Variants in DAW1 observed in about 807,000 individuals in gnomAD.
DAW1 encodes dynein assembly factor with WD repeats 1, also known as dynein assembly factor with WD repeat domains 1.
A neutral mutation model predicts 56.5 loss-of-function variants in DAW1; 47 were observed. The observed-to-expected ratio is 0.83, with a 90% CI of 0.66 to 1.06. The LOEUF is 1.06. Among genes scored for constraint, DAW1 ranks in the 50% least tolerant of loss-of-function variants. DAW1 has a pLI of 0.00. For missense variants in DAW1, 505 were observed against 499.3 expected, an observed-to-expected ratio of 1.01 and a Z score of -0.11; for synonymous variants, 190 against 179.0, an observed-to-expected ratio of 1.06 and a Z score of -0.49.
chr2:227,891,918 A>G (rs924342725), intron 4 of DAW1, among the ~76,000 whole-genome samples: 1 of 152,080 alleles, frequency 6.6e-6, no homozygotes, highest in African/African-American at 2.4e-5. Context: ...CATCAGGGTC[A>G]GTTCCTTCTG....
At chr2:227,880,479 G>A (rs1690985649) in intron 1 of DAW1, among the ~76,000 whole-genome samples, 1 of 150,380 alleles carries the variant, frequency 6.6e-6, no homozygotes. Context: ...CCTAGAGTTT[G>A]GTTTCAGGTC....
chr2:227,891,330 A>G lies in DAW1; in HGVS notation c.317+17A>G, dbSNP rs377589330. 1.9e-5 allele frequency: 30 copies of G among 1,609,398 alleles called. No individual in the cohort carries two copies. Among genetic ancestry groups the G allele is most frequent in the Non-Finnish European group, 2.3e-5 (27 of 1,176,512 alleles). Reference sequence around the variant, plus strand: ...GGGCTCATGGTAAGATTCTCTTTTTATGTCTAATTTTTAGCAGTGAAACAA... The same window carrying G: ...GGGCTCATGGTAAGATTCTCTTTTTGTGTCTAATTTTTAGCAGTGAAACAA... On this transcript the variant is annotated intron_variant, in intron 4 of 12. Transcript: ENST00000309931.
intron 5 of DAW1, among the ~76,000 whole-genome samples, chr2:227,896,171 A>G (rs1159940631): frequency 6.6e-6 from 1 of 152,228 alleles, no homozygotes; most frequent in African/African-American, 2.4e-5. Flanking sequence ...GCATTTTTAT[A>G]TTCCAGAGAA....
intron 1 of DAW1, among the ~76,000 whole-genome samples, chr2:227,877,256 G>T (rs1005990113): frequency 6.6e-6 from 1 of 152,218 alleles, no homozygotes; most frequent in African/African-American, 2.4e-5. Context: ...TTGGCTTACT[G>T]CAACCTCTGC....
chr2:227,909,266 A>ATCTGTCTG (rs1258557710), intron 10 of DAW1, among the ~76,000 whole-genome samples: 11 of 142,034 alleles, frequency 7.7e-5, no homozygotes, highest in African/African-American at 2.8e-4. Context: ...CTATCTATCT[A>ATCTGTCTG]TCTATCTGTC....
chr2:227,876,725 G>A (rs550470600), intron 1 of DAW1, among the ~76,000 whole-genome samples: 1 of 152,160 alleles, frequency 6.6e-6, no homozygotes, highest in Non-Finnish European at 1.5e-5. Context: ...AAATGTACAT[G>A]CCAGTGACAT....
intron 3 of DAW1, among the ~76,000 whole-genome samples, chr2:227,890,511 T>C (rs1204367947): frequency 6.6e-6 from 1 of 152,214 alleles, no homozygotes; most frequent in Non-Finnish European, 1.5e-5. Flanking sequence ...CTTTTAATTT[T>C]CCTTTGTCAT....
At chr2:227,896,310 C>T (rs1373896277) in intron 5 of DAW1, among the ~76,000 whole-genome samples, 3 of 152,100 alleles carry the variant, frequency 2.0e-5, no homozygotes, top group Non-Finnish European at 4.4e-5. Flanking sequence ...AAAGGATATT[C>T]TCTATAACAT....
Position 227,921,506 on chromosome 2 carries a change from CACTGATGAA to C in DAW1, c.1160_1168del (p.Thr387_Glu389del), listed in dbSNP as rs752486175. Reference sequence around the variant, plus strand: ...AGTGCCTCCAGGTTCTTGAGGGGCACACTGATGAAATCTTTTCATGTGCTTTCAACTATA... The same window carrying C: ...AGTGCCTCCAGGTTCTTGAGGGGCACATCTTTTCATGTGCTTTCAACTATA... On this transcript the variant is annotated inframe_deletion, in exon 12 of 13. Transcript: ENST00000309931. The C allele has an allele frequency of 6.2e-7, 1 of 1,613,876 alleles. No individual in the cohort carries two copies. Among genetic ancestry groups the C allele is most frequent in the Non-Finnish European group, 8.5e-7 (1 of 1,179,954 alleles).
At chr2:227,892,325 G>A (rs1421258437) in intron 4 of DAW1, among the ~76,000 whole-genome samples, 7 of 152,002 alleles carry the variant, frequency 4.6e-5, no homozygotes, top group Non-Finnish European at 2.9e-5. Flanking sequence ...GCAGAGACGG[G>A]GTTTCTCCAT....
intron 1 of DAW1, among the ~76,000 whole-genome samples, chr2:227,883,511 T>C (rs1353244354): frequency 6.6e-6 from 1 of 152,240 alleles, no homozygotes; most frequent in Non-Finnish European, 1.5e-5. Context: ...AATTCACTAA[T>C]ATGGTTTCAG....
At chr2:227,904,778 C>A in intron 7 of DAW1, 151 bp from the exon 8 acceptor site, 1 of 575,830 alleles carries the variant, frequency 1.7e-6, no homozygotes, top group Non-Finnish European at 3.0e-6. Flanking sequence ...TGCCCACGTG[C>A]AGACACTCCC....
chr2:227,892,320 G>T (rs372796132), intron 4 of DAW1, among the ~76,000 whole-genome samples: 3 of 152,112 alleles, frequency 2.0e-5, no homozygotes, highest in African/African-American at 4.8e-5. Context: ...TTTTAGCAGA[G>T]ACGGGGTTTC....
Position 227,918,768 on chromosome 2 carries a change from C to T in DAW1, c.974-12C>T. 6.2e-7 allele frequency: 1 copy of T among 1,613,778 alleles called. No homozygotes were observed. The highest frequency in any genetic ancestry group is 8.5e-7 in the Non-Finnish European group (1 of 1,179,812). ...AGATGAATTTATATATATCCCCACCCCTCTCAAAAAGGAACAGCAAGAATT... is the reference window on the plus strand; with the variant it reads ...AGATGAATTTATATATATCCCCACCTCTCTCAAAAAGGAACAGCAAGAATT... On this transcript the variant is annotated splice_polypyrimidine_tract_variant and intron_variant, in intron 10 of 12. Transcript: ENST00000309931.
rs374142683 is a variant in DAW1, at chr2:227,920,475, G to C, written c.1051-924G>C. On this transcript the variant is annotated intron_variant, in intron 11 of 12. Coordinates refer to ENST00000309931, the MANE Select transcript of DAW1 (RefSeq NM_178821.3). ...ACCCAAAGGGATGCAGGACTAACAG[G>C]TTCCTTTGATGGTCACTCAGATGCC... Among the ~76,000 whole-genome samples, 47 of 152,184 alleles carry C rather than the reference G, an allele frequency of 3.1e-4. No homozygotes were observed. In the East Asian group the frequency reaches 7.0e-3, roughly 23 times the overall value.
At chr2:227,891,185 T>A in intron 3 of DAW1, 70 bp from the exon 4 acceptor site, 1 of 1,373,920 alleles carries the variant, frequency 7.3e-7, no homozygotes, top group Non-Finnish European at 1.0e-6. Context: ...ATGTCTTCAT[T>A]GGTTTGAAGT....
chr2:227,904,090 G>A (rs1691620731), intron 7 of DAW1, among the ~76,000 whole-genome samples: 1 of 151,742 alleles, frequency 6.6e-6, no homozygotes, highest in Admixed American at 6.6e-5. Flanking sequence ...TTTTACAGAC[G>A]TGCCTAAGAG....
Position 227,907,250 on chromosome 2 carries a change from A to C in DAW1, c.971A>C (p.Asp324Ala), listed in dbSNP as rs776365595. 75 of 1,609,954 alleles carry C rather than the reference A, an allele frequency of 4.7e-5. No individual in the cohort carries two copies. In the Admixed American group the frequency reaches 7.4e-4, roughly 16 times the overall value. ...TGKLIATASA[D>A]GTARIFSAAT... ...AAGCTTATTGCAACTGCTTCAGCTGATGGTAGGTGATCTGTTCATTCTTTT... is the reference window on the plus strand; with the variant it reads ...AAGCTTATTGCAACTGCTTCAGCTGCTGGTAGGTGATCTGTTCATTCTTTT... The change falls in exon 10 of 13, where the codon GAT (aspartate) becomes GCT (alanine). Residue 324 changes from aspartate (D) to alanine (A), a missense_variant and splice_region_variant. Physicochemically the swap from Asp to Ala is moderately radical, Grantham distance 126. Coordinates refer to ENST00000309931, the MANE Select transcript of DAW1 (RefSeq NM_178821.3).
At chr2:227,908,435 A>G (rs1691737598) in intron 10 of DAW1, among the ~76,000 whole-genome samples, 1 of 152,168 alleles carries the variant, frequency 6.6e-6, no homozygotes, top group Non-Finnish European at 1.5e-5. Context: ...AGTGACGACC[A>G]TCTGTGTTGG....
Sources: allele counts gnomAD v4.1 joint callset (sites outside exome capture counted in the v4.1 genomes callset), GRCh38; gene constraint gnomAD v4.1.1; transcripts MANE v1.5; gene names NCBI Gene and HGNC (gene_info 2026-07-23, HGNC 2026-07-21).